The following CYB5R4 variants were observed in gnomAD, a reference collection of about 807,000 sequenced individuals.
CYB5R4 encodes the protein cytochrome b5 reductase 4, also known as N-terminal cytochrome b5 and cytochrome b5 oxidoreductase domain-containing protein.
A neutral mutation model predicts 70.2 loss-of-function variants in CYB5R4; 55 were observed. The ratio of observed to expected loss-of-function variants is 0.78; its 90% CI spans 0.63 to 0.98. The LOEUF (loss-of-function observed/expected upper bound fraction) is 0.98. Among genes scored for constraint, CYB5R4 ranks in the 50% least tolerant of loss-of-function variants. The pLI is 0.00. For synonymous variants in CYB5R4, 197 were observed against 199.5 expected (o/e 0.99, Z 0.11); for missense variants, 562 against 612.6 (o/e 0.92, Z 0.87).
chr6:83,933,147 T>A (rs1295517476), intron 10 of CYB5R4, among the ~76,000 whole-genome samples: 2 of 152,202 alleles, frequency 1.3e-5, no homozygotes, highest in Non-Finnish European at 1.5e-5. Flanking sequence ...CTATGTCCTT[T>A]GACCCTTTGG....
At chr6:83,956,862 G>T (rs1410928307) in intron 15 of CYB5R4, among the ~76,000 whole-genome samples, 1 of 150,616 alleles carries the variant, frequency 6.6e-6, no homozygotes, top group East Asian at 1.9e-4. Context: ...GGTTTGTAGG[G>T]CATGACTTCC....
intron 10 of CYB5R4, among the ~76,000 whole-genome samples, chr6:83,928,419 A>T (rs1424957633): frequency 1.3e-5 from 2 of 152,226 alleles, no homozygotes; most frequent in Non-Finnish European, 2.9e-5. Flanking sequence ...GTGAATAGAC[A>T]CAGATGAATT....
At chr6:83,931,627 G>T (rs1471581036) in intron 10 of CYB5R4, among the ~76,000 whole-genome samples, 1 of 151,954 alleles carries the variant, frequency 6.6e-6, no homozygotes, top group African/African-American at 2.4e-5. Flanking sequence ...ATTTGGGGCA[G>T]TAATGTTTCT....
chr6:83,940,015 G>GTTTTTTGT, intron 12 of CYB5R4, 41 bp from the exon 13 acceptor site: 1 of 1,158,944 alleles, frequency 8.6e-7, no homozygotes, highest in Non-Finnish European at 1.2e-6. Context: ...TTTGTTTTTT[G>GTTTTTTGT]TTTTTTTTTT....
chr6:83,904,652 G>A (rs1296028530), intron 3 of CYB5R4, among the ~76,000 whole-genome samples: 1 of 152,054 alleles, frequency 6.6e-6, no homozygotes, highest in Non-Finnish European at 1.5e-5. Flanking sequence ...TTATTGTATT[G>A]GAGTTTCTCT....
intron 3 of CYB5R4, among the ~76,000 whole-genome samples, chr6:83,906,185 G>A (rs1488756013): frequency 6.6e-6 from 1 of 152,180 alleles, no homozygotes; most frequent in African/African-American, 2.4e-5. Context: ...TAGGCCAGTG[G>A]ATGGGGAATG....
At chr6:83,873,918 A>G (rs2099458069) in intron 2 of CYB5R4, among the ~76,000 whole-genome samples, 1 of 152,188 alleles carries the variant, frequency 6.6e-6, no homozygotes, top group Non-Finnish European at 1.5e-5. Flanking sequence ...ACATTATTCC[A>G]GGCTTCAGGA....
At chr6:83,953,154 T>C (rs1287249292) in intron 14 of CYB5R4, among the ~76,000 whole-genome samples, 2 of 152,126 alleles carry the variant, frequency 1.3e-5, no homozygotes, top group African/African-American at 4.8e-5. Context: ...AAACAGTATA[T>C]GCCTTCCTGA....
chr6:83,869,483 G>A (rs561382249), intron 2 of CYB5R4, among the ~76,000 whole-genome samples: 1 of 152,252 alleles, frequency 6.6e-6, no homozygotes, highest in South Asian at 2.1e-4. Context: ...TCCTAGCTGA[G>A]GTTAGACAAG....
intron 11 of CYB5R4, among the ~76,000 whole-genome samples, chr6:83,935,015 G>A (rs948347471): frequency 2.6e-5 from 4 of 152,136 alleles, no homozygotes; most frequent in Non-Finnish European, 5.9e-5. Context: ...CTAAAGGAAA[G>A]AGATGAGAGA....
At chr6:83,939,332 A>T (rs977819041) in intron 12 of CYB5R4, among the ~76,000 whole-genome samples, 1 of 152,184 alleles carries the variant, frequency 6.6e-6, no homozygotes, top group Non-Finnish European at 1.5e-5. Context: ...ATTTTCTCAT[A>T]TGAATGGTAC....
At chr6:83,958,535 T>C (rs1404239816) in intron 15 of CYB5R4, among the ~76,000 whole-genome samples, 2 of 152,078 alleles carry the variant, frequency 1.3e-5, no homozygotes, top group Non-Finnish European at 2.9e-5. Flanking sequence ...GCAGATGCAT[T>C]AGGGGTGCAG....
intron 3 of CYB5R4, among the ~76,000 whole-genome samples, chr6:83,899,670 A>C (rs2099462538): frequency 6.6e-6 from 1 of 152,126 alleles, no homozygotes; most frequent in Non-Finnish European, 1.5e-5. Context: ...TCAGGGATTC[A>C]ACTTCTTCCT....
intron 7 of CYB5R4, among the ~76,000 whole-genome samples, 170 bp downstream of exon 7, chr6:83,919,624 AATTCACCC>A (rs964341668): frequency 6.6e-6 from 1 of 152,198 alleles, no homozygotes; most frequent in African/African-American, 2.4e-5. Context: ...AAGATTAAGT[AATTCACCC>A]AAAGTTACAC....
chr6:83,864,629 G>A (rs1365299994), intron 2 of CYB5R4, among the ~76,000 whole-genome samples: 1 of 151,982 alleles, frequency 6.6e-6, no homozygotes, highest in African/African-American at 2.4e-5. Flanking sequence ...AAATTATTTG[G>A]TAAAATCCAG....
intron 7 of CYB5R4, among the ~76,000 whole-genome samples, chr6:83,919,760 C>CTGTGTG (rs58002492): frequency 0.023 from 3,255 of 142,054 alleles, 121 homozygotes; most frequent in African/African-American, 0.077. Context: ...ATGTGTTTTT[C>CTGTGTG]TGTGTGTGTG....
chr6:83,898,383 G>A (rs1472818993), intron 3 of CYB5R4, among the ~76,000 whole-genome samples: 1 of 152,128 alleles, frequency 6.6e-6, no homozygotes, highest in Non-Finnish European at 1.5e-5. Context: ...AGTATAGTTT[G>A]AAGTCAGGTA....
At position 83,960,783 on chromosome 6, in the gene CYB5R4, G is replaced by A. The variant is rs1480978056; in HGVS notation, c.*905G>A. 1 of 152,196 alleles carries A rather than the reference G, an allele frequency of 6.6e-6. No individual in the cohort carries two copies. The highest frequency in any genetic ancestry group is 1.5e-5 in the Non-Finnish European group (1 of 68,038). 9.4% of individuals were successfully genotyped at this position (152,196 alleles called of 1,614,324 possible). ...CTGGTTGGCTGCTTTCTCCACAACT[G>A]GTGGTTCAGCAGGAAGCCCTCTTAG... On this transcript the variant is annotated 3_prime_UTR_variant, in exon 16 of 16. Coordinates refer to ENST00000369681, the MANE Select transcript of CYB5R4 (RefSeq NM_016230.4).
chr6:83,936,336 C>T lies in CYB5R4; in HGVS notation c.1068C>T (p.Pro356=), dbSNP rs181654836. ...TCTACTTTTTGATAAAAATCTATCCCACTGGACTCTTCACACCAGAGCTTG... is the reference window on the plus strand; with the variant it reads ...TCTACTTTTTGATAAAAATCTATCCTACTGGACTCTTCACACCAGAGCTTG... ...KYIYFLIKIY[P]TGLFTPELDR... The change falls in exon 12 of 16, where the codon CCC becomes CCT. Residue 356 remains proline, a synonymous_variant. Coordinates refer to ENST00000369681, the MANE Select transcript of CYB5R4 (RefSeq NM_016230.4). 31 of 1,612,138 alleles carry T rather than the reference C, an allele frequency of 1.9e-5. No individual in the cohort carries two copies. The highest frequency in any genetic ancestry group is 1.7e-4 in the South Asian group (15 of 90,894).
Sources: gnomAD v4.1 joint callset for allele counts (sites outside exome capture counted in the v4.1 genomes callset) on GRCh38, gnomAD v4.1.1 for gene constraint, MANE v1.5 for transcripts, NCBI Gene and HGNC (gene_info 2026-07-23, HGNC 2026-07-21) for gene names.